RBFOX1: variants seen among roughly 807,000 people sequenced by gnomAD.
RBFOX1 encodes RNA binding protein fox-1 homolog 1.
Under a neutral mutation model 57.7 loss-of-function variants are expected in RBFOX1, and 8 were observed. The ratio of observed to expected loss-of-function variants is 0.14; its 90% CI spans 0.08 to 0.25. The LOEUF is 0.25. RBFOX1 is among the 10% of genes least tolerant of loss of function. The pLI is 1.00. For synonymous variants in RBFOX1, 326 were observed against 222.4 expected (o/e 1.47, Z -4.15); for missense variants, 611 against 548.5 (o/e 1.11, Z -1.14).
At chr16:7,430,659 C>CA (rs35088351) in intron 4 of RBFOX1, among the ~76,000 whole-genome samples, 73,244 of 138,250 alleles carry the variant, frequency 0.53, 21,043 homozygotes, top group South Asian at 0.7. Context: ...GACTCCATCT[C>CA]AAAAAAAAAA....
intron 1 of RBFOX1, among the ~76,000 whole-genome samples, chr16:6,140,354 G>C (rs1373024606): frequency 6.6e-6 from 1 of 152,050 alleles, no homozygotes; most frequent in East Asian, 1.9e-4. Context: ...ATCATGCATG[G>C]CTAATTTTTT....
chr16:5,840,949 G>A (rs2056605947), intron 3 of RBFOX1, among the ~76,000 whole-genome samples: 1 of 152,114 alleles, frequency 6.6e-6, no homozygotes, highest in Non-Finnish European at 1.5e-5. Flanking sequence ...AAGCTCTTAG[G>A]CTATTGCAGG....
chr16:7,307,199 C>G (rs1244647943), intron 4 of RBFOX1, among the ~76,000 whole-genome samples: 1 of 152,170 alleles, frequency 6.6e-6, no homozygotes, highest in Non-Finnish European at 1.5e-5. Context: ...ACTCTGACCA[C>G]CGGCCATCGA....
rs191317277 is a variant in RBFOX1 at position 5,815,329 on chromosome 16, C to A, written c.319-51974C>A. Among the ~76,000 whole-genome samples the A allele has an allele frequency of 4.1e-3, 629 of 152,000 alleles. 7 individuals are homozygous for A. Among genetic ancestry groups the A allele is most frequent in the Non-Finnish European group, 7.8e-3 (532 of 67,960 alleles). The stretch of plus-strand genomic sequence containing the variant: ...TCCAATGTCTTGATCACATGTGGGT[C>A]TCCTTTAAATTCCCTTCTATCCTCC... On this transcript the variant is annotated intron_variant, in intron 3 of 19. Coordinates refer to the RBFOX1 transcript ENST00000641259.
chr16:7,389,870 T>C (rs1046254124), intron 4 of RBFOX1, among the ~76,000 whole-genome samples: 3 of 152,186 alleles, frequency 2.0e-5, no homozygotes, highest in African/African-American at 7.2e-5. Flanking sequence ...CACTGCTGTT[T>C]TCCAAATAAG....
At chr16:7,645,983 T>A (rs182845068) in intron 11 of RBFOX1, among the ~76,000 whole-genome samples, 48 of 151,306 alleles carry the variant, frequency 3.2e-4, no homozygotes, top group African/African-American at 1.0e-3. Context: ...ACTCTGAAAT[T>A]ACTGGATTTT....
chr16:7,154,627 G>C (rs1390761267), intron 4 of RBFOX1, among the ~76,000 whole-genome samples: 2 of 151,858 alleles, frequency 1.3e-5, no homozygotes, highest in Non-Finnish European at 2.9e-5. Context: ...GCAGTTGTAA[G>C]AAAATGTGAT....
intron 14 of RBFOX1, among the ~76,000 whole-genome samples, chr16:7,687,321 C>G (rs113399301): frequency 2.0e-5 from 3 of 152,068 alleles, no homozygotes; most frequent in African/African-American, 7.2e-5. Context: ...TGCAAGGAAC[C>G]TCCCTTTGAA....
At chr16:6,032,489 T>A (rs11648824) in intron 1 of RBFOX1, among the ~76,000 whole-genome samples, 1 of 152,168 alleles carries the variant, frequency 6.6e-6, no homozygotes, top group African/African-American at 2.4e-5. Context: ...TTTTTGTTCC[T>A]TGATGATCCT....
chr16:6,108,548 A>C (rs963714443), intron 1 of RBFOX1, among the ~76,000 whole-genome samples: 1 of 152,198 alleles, frequency 6.6e-6, no homozygotes, highest in Admixed American at 6.5e-5. Flanking sequence ...TGGATTAGGA[A>C]GCAGACACTC....
intron 1 of RBFOX1, among the ~76,000 whole-genome samples, chr16:6,234,317 T>G (rs749938875): frequency 3.3e-5 from 5 of 152,174 alleles, no homozygotes; most frequent in Non-Finnish European, 7.3e-5. Context: ...TATCTCTCCT[T>G]TTTGGCATTT....
intron 6 of RBFOX1, 148 bp from the exon 7 acceptor site, chr16:7,587,099 G>C (rs1189687315): frequency 9.5e-7 from 1 of 1,053,134 alleles, no homozygotes; most frequent in Non-Finnish European, 1.2e-6. Flanking sequence ...ATTTTCTCTT[G>C]TTTCAAGCAC....
At chr16:7,463,672 C>A (rs1158709577) in intron 4 of RBFOX1, among the ~76,000 whole-genome samples, 2 of 152,130 alleles carry the variant, frequency 1.3e-5, no homozygotes, top group Non-Finnish European at 2.9e-5. Flanking sequence ...TCACCTTTGC[C>A]ATGTAAGGTA....
At chr16:7,077,208 C>G (rs1050048680) in intron 4 of RBFOX1, among the ~76,000 whole-genome samples, 2 of 152,152 alleles carry the variant, frequency 1.3e-5, no homozygotes, top group African/African-American at 4.8e-5. Flanking sequence ...TCCAATCAGG[C>G]TAGTCTTTGT....
intron 1 of RBFOX1, among the ~76,000 whole-genome samples, chr16:5,345,130 G>A (rs2065113180): frequency 6.6e-6 from 1 of 151,964 alleles, no homozygotes; most frequent in African/African-American, 2.4e-5. Flanking sequence ...GGGCTGCCTC[G>A]ACCCTCTGTG....
chr16:5,791,966 C>G lies in RBFOX1; in HGVS notation c.319-75337C>G, dbSNP rs375203498. On this transcript the variant is annotated intron_variant, in intron 3 of 19. Transcript: ENST00000641259. ...GGCGTTGCCTCTGGGGCTTGGAGGTCCTTTGTACACCAGAGACTTTGAGGA... is the reference window on the plus strand; with the variant it reads ...GGCGTTGCCTCTGGGGCTTGGAGGTGCTTTGTACACCAGAGACTTTGAGGA... Among the ~76,000 whole-genome samples the G allele has an allele frequency of 2.6e-5, 4 of 152,254 alleles. No individual in the cohort carries two copies. The East Asian group carries it at 5.8e-4, about 22-fold the overall frequency.
intron 1 of RBFOX1, among the ~76,000 whole-genome samples, chr16:6,078,479 C>A (rs1443264104): frequency 6.6e-6 from 1 of 152,022 alleles, no homozygotes; most frequent in Non-Finnish European, 1.5e-5. Context: ...GACACTTCTT[C>A]TTCCGCCGTG....
At chr16:6,605,389 C>T (rs1313745588) in intron 2 of RBFOX1, among the ~76,000 whole-genome samples, 1 of 152,004 alleles carries the variant, frequency 6.6e-6, no homozygotes, top group African/African-American at 2.4e-5. Context: ...TGGAGTTTTG[C>T]TTTATTGATT....
At position 6,877,043 on chromosome 16, in the gene RBFOX1, A is replaced by G. The variant is rs139796017; in HGVS notation, c.-15-175014A>G. On this transcript the variant is annotated intron_variant, in intron 3 of 15. Coordinates refer to ENST00000550418, the MANE Select transcript of RBFOX1 (RefSeq NM_018723.4). ...TGCTATTGTTTCTTATTAAATATTCATATGTATATTTTGTGTTTGCTTCAT... is the reference window on the plus strand; with the variant it reads ...TGCTATTGTTTCTTATTAAATATTCGTATGTATATTTTGTGTTTGCTTCAT... 8.6e-3 allele frequency among the ~76,000 whole-genome samples: 1,311 copies of G among 152,336 alleles called. 12 individuals are homozygous for G. Among genetic ancestry groups the G allele is most frequent in the Non-Finnish European group, 0.015 (1,026 of 68,026 alleles).
Sources: allele counts gnomAD v4.1 joint callset (sites outside exome capture counted in the v4.1 genomes callset), GRCh38; gene constraint gnomAD v4.1.1; transcripts MANE v1.5; gene names NCBI Gene and HGNC (gene_info 2026-07-23, HGNC 2026-07-21).